Variants in GSG1L observed in about 807,000 individuals in gnomAD.
GSG1L encodes the protein germ cell-specific gene 1-like protein.
A neutral mutation model predicts 42.1 loss-of-function variants in GSG1L; 24 were observed. The observed-to-expected ratio is 0.57, with a 90% CI of 0.41 to 0.80. The LOEUF is 0.80. GSG1L is among the 30% of genes least tolerant of loss of function. The pLI is 0.00. For synonymous variants in GSG1L, 215 were observed against 203.5 expected (o/e 1.06, Z -0.48); for missense variants, 445 against 472.2 (o/e 0.94, Z 0.53).
intron 4 of GSG1L, among the ~76,000 whole-genome samples, chr16:27,835,920 G>A (rs972745817): frequency 2.0e-5 from 3 of 152,070 alleles, no homozygotes; most frequent in African/African-American, 7.2e-5. Context: ...GAGAAGTAAA[G>A]TTTCTCTGTC....
intron 1 of GSG1L, among the ~76,000 whole-genome samples, chr16:28,014,069 C>T (rs1304143873): frequency 6.6e-6 from 1 of 152,232 alleles, no homozygotes; most frequent in African/African-American, 2.4e-5. Context: ...TTCAAGCCTC[C>T]ATATTGCAGG....
chr16:27,978,114 G>A (rs8058165), intron 1 of GSG1L, among the ~76,000 whole-genome samples: 66,870 of 152,032 alleles, frequency 0.44, 15,162 homozygotes, highest in South Asian at 0.59. Flanking sequence ...GCCATGAAAC[G>A]GAGAGCCTGG....
intron 1 of GSG1L, among the ~76,000 whole-genome samples, chr16:27,976,965 C>T (rs569105992): frequency 3.9e-4 from 60 of 152,286 alleles, no homozygotes; most frequent in Non-Finnish European, 7.9e-4. Flanking sequence ...CTACCCTGAG[C>T]GTGGCTTGGC....
chr16:27,968,546 C>T (rs1331184893), intron 1 of GSG1L, among the ~76,000 whole-genome samples: 1 of 152,156 alleles, frequency 6.6e-6, no homozygotes, highest in African/African-American at 2.4e-5. Flanking sequence ...CTACCACGCC[C>T]GGCCCTAAAA....
At chr16:27,986,565 C>T (rs1276564841) in intron 1 of GSG1L, among the ~76,000 whole-genome samples, 2 of 151,372 alleles carry the variant, frequency 1.3e-5, no homozygotes, top group African/African-American at 4.9e-5. Context: ...TATGGAAACA[C>T]TTGCGACAAA....
intron 1 of GSG1L, among the ~76,000 whole-genome samples, chr16:27,978,337 G>A (rs1048186576): frequency 3.3e-5 from 5 of 152,112 alleles, no homozygotes; most frequent in South Asian, 4.1e-4. Context: ...CCAGGAAGCC[G>A]GACAGGGTGT....
intron 2 of GSG1L, among the ~76,000 whole-genome samples, chr16:27,909,386 T>C (rs1040546330): frequency 6.8e-6 from 1 of 146,522 alleles, no homozygotes; most frequent in Non-Finnish European, 1.5e-5. Flanking sequence ...TTTTTCTTTT[T>C]TTTTTTTTTT....
intron 5 of GSG1L, among the ~76,000 whole-genome samples, chr16:27,819,450 G>A (rs1049301187): frequency 3.3e-5 from 5 of 152,078 alleles, no homozygotes; most frequent in African/African-American, 4.8e-5. Context: ...CCGACAGCAC[G>A]AAACCTCCAG....
rs1470541344 is a variant in GSG1L at position 27,788,471 on chromosome 16, G to A, written c.*2899C>T. The A allele has an allele frequency of 2.0e-5, 3 of 152,402 alleles. No individual in the cohort carries two copies. Among genetic ancestry groups the A allele is most frequent in the Admixed American group, 2.0e-4 (3 of 15,302 alleles). 9.4% of individuals were successfully genotyped at this position (152,402 alleles called of 1,614,324 possible). The stretch of plus-strand genomic sequence containing the variant: ...TCTAAGCTCCCTAAGAAGGTTTCCA[G>A]TTCCTCCTGGCCTGGCTCCACTGCC... On this transcript the variant is annotated 3_prime_UTR_variant, in exon 7 of 7. Transcript: ENST00000447459.
At chr16:27,859,420 A>C (rs2083616206) in intron 3 of GSG1L, among the ~76,000 whole-genome samples, 1 of 152,214 alleles carries the variant, frequency 6.6e-6, no homozygotes, top group Admixed American at 6.5e-5. Flanking sequence ...ACCATGCCCT[A>C]GTCCATCCTC....
intron 3 of GSG1L, 68 bp from the exon 4 acceptor site, chr16:27,845,129 C>G: frequency 4.8e-6 from 5 of 1,032,178 alleles, no homozygotes; most frequent in Non-Finnish European, 5.9e-6. Context: ...ACACCCACAG[C>G]CTCTCTGCTG....
intron 1 of GSG1L, among the ~76,000 whole-genome samples, chr16:28,045,991 T>C (rs2086154275): frequency 6.6e-6 from 1 of 152,112 alleles, no homozygotes; most frequent in African/African-American, 2.4e-5. Context: ...GCAAGACTCT[T>C]TCTCCAGAAA....
At chr16:27,893,615 G>C (rs565563778) in intron 2 of GSG1L, among the ~76,000 whole-genome samples, 1 of 152,228 alleles carries the variant, frequency 6.6e-6, no homozygotes, top group South Asian at 2.1e-4. Flanking sequence ...CAAGGTCTCA[G>C]TCTGTCACCC....
chr16:27,846,911 C>T (rs1318083745), intron 3 of GSG1L, among the ~76,000 whole-genome samples: 1 of 146,288 alleles, frequency 6.8e-6, no homozygotes, highest in Admixed American at 7.1e-5. Flanking sequence ...GAACCGAGAT[C>T]GTGCCACTGC....
chr16:27,849,610 T>TG (rs1176598391), intron 3 of GSG1L, among the ~76,000 whole-genome samples: 1 of 152,182 alleles, frequency 6.6e-6, no homozygotes, highest in African/African-American at 2.4e-5. Flanking sequence ...CAATCATAGC[T>TG]CACTGTTAAC....
At chr16:27,989,052 C>CAAAA (rs560236316) in intron 1 of GSG1L, among the ~76,000 whole-genome samples, 6 of 82,040 alleles carry the variant, frequency 7.3e-5, no homozygotes, top group Admixed American at 2.5e-4. Flanking sequence ...GACTCTGTCT[C>CAAAA]AAAAAAAAAA....
At chr16:28,041,531 C>G (rs574019145) in intron 1 of GSG1L, among the ~76,000 whole-genome samples, 1 of 152,020 alleles carries the variant, frequency 6.6e-6, no homozygotes, top group South Asian at 2.1e-4. Context: ...TAGTAGTAGT[C>G]GTGGAATGAA....
intron 1 of GSG1L, among the ~76,000 whole-genome samples, chr16:28,042,958 G>A (rs961786104): frequency 2.0e-5 from 3 of 152,136 alleles, no homozygotes; most frequent in South Asian, 2.1e-4. Context: ...AACGCAGAGC[G>A]AAAATACACA....
intron 1 of GSG1L, among the ~76,000 whole-genome samples, chr16:28,042,608 C>G (rs1431211851): frequency 6.6e-6 from 1 of 152,012 alleles, no homozygotes; most frequent in Non-Finnish European, 1.5e-5. Flanking sequence ...TATTTATGAG[C>G]AAAGGGTAGG....
Sources: allele counts gnomAD v4.1 joint callset (sites outside exome capture counted in the v4.1 genomes callset), GRCh38; gene constraint gnomAD v4.1.1; transcripts MANE v1.5; gene names NCBI Gene and HGNC (gene_info 2026-07-23, HGNC 2026-07-21).